NREP: variants seen among roughly 807,000 people sequenced by gnomAD.
The protein encoded by NREP is neuronal regeneration-related protein.
A neutral mutation model predicts 8.6 loss-of-function variants in NREP; 5 were observed. The ratio of observed to expected loss-of-function variants is 0.58; its 90% CI spans 0.30 to 1.22. The LOEUF (loss-of-function observed/expected upper bound fraction) is 1.22. NREP is among the 50% of genes most tolerant of loss of function. NREP has a pLI of 0.07. For synonymous variants in NREP, 27 were observed against 28.0 expected, an observed-to-expected ratio of 0.96 and a Z score of 0.11; for missense variants, 86 against 82.5, an observed-to-expected ratio of 1.04 and a Z score of -0.17.
At chr5:111,731,444 A>AG (rs1330440108) in intron 3 of NREP, among the ~76,000 whole-genome samples, 146 of 151,506 alleles carry the variant, frequency 9.6e-4, no homozygotes, top group African/African-American at 3.5e-3. Context: ...AAAAAAAAAA[A>AG]AGAGTCCAGT....
intron 2 of NREP, among the ~76,000 whole-genome samples, chr5:111,807,944 C>T (rs1191017535): frequency 1.3e-5 from 2 of 152,034 alleles, no homozygotes; most frequent in Non-Finnish European, 2.9e-5. Flanking sequence ...ACAACAACAA[C>T]AACAAAACCC....
At chr5:111,850,503 C>T (rs1268989097) in intron 2 of NREP, among the ~76,000 whole-genome samples, 1 of 152,126 alleles carries the variant, frequency 6.6e-6, no homozygotes, top group Admixed American at 6.6e-5. Flanking sequence ...ACTTCTTGGG[C>T]CTGTCTTTTC....
intron 2 of NREP, among the ~76,000 whole-genome samples, chr5:111,956,509 T>G (rs1756324578): frequency 6.6e-6 from 1 of 152,058 alleles, no homozygotes; most frequent in Non-Finnish European, 1.5e-5. Context: ...AAATTAGATT[T>G]TTTTTTAAAT....
intron 2 of NREP, among the ~76,000 whole-genome samples, chr5:111,744,991 G>A (rs1749912478): frequency 6.6e-6 from 1 of 152,046 alleles, no homozygotes; most frequent in Admixed American, 6.6e-5. Flanking sequence ...GCAATAAACA[G>A]GAGTAGTTGG....
intron 2 of NREP, among the ~76,000 whole-genome samples, chr5:111,893,590 C>A (rs1754441637): frequency 6.6e-6 from 1 of 150,918 alleles, no homozygotes; most frequent in South Asian, 2.1e-4. Context: ...TAAAAAGTTG[C>A]ATGAAAAATA....
intron 2 of NREP, among the ~76,000 whole-genome samples, chr5:111,839,674 A>G (rs942486993): frequency 1.3e-5 from 2 of 152,112 alleles, no homozygotes; most frequent in Admixed American, 6.6e-5. Flanking sequence ...CGTTAGTTCA[A>G]TATATAATAT....
intron 2 of NREP, among the ~76,000 whole-genome samples, chr5:111,908,105 T>C (rs757149002): frequency 6.6e-6 from 1 of 152,072 alleles, no homozygotes; most frequent in Non-Finnish European, 1.5e-5. Flanking sequence ...TAAGCTTCCA[T>C]GGAAAACTTC....
At chr5:111,736,087 G>A (rs530889708) in intron 2 of NREP, among the ~76,000 whole-genome samples, 3 of 152,242 alleles carry the variant, frequency 2.0e-5, no homozygotes, top group East Asian at 1.9e-4. Context: ...TGATGAATTC[G>A]GTGGTGGGAG....
At chr5:111,746,856 G>A (rs938568743) in intron 2 of NREP, among the ~76,000 whole-genome samples, 6 of 152,138 alleles carry the variant, frequency 3.9e-5, no homozygotes, top group East Asian at 1.9e-4. Flanking sequence ...CTGAAATTCC[G>A]ATATTGCATG....
At chr5:111,887,246 C>T (rs141618623) in intron 2 of NREP, among the ~76,000 whole-genome samples, 10 of 152,178 alleles carry the variant, frequency 6.6e-5, no homozygotes, top group Admixed American at 2.0e-4. Context: ...TTAAACCCTC[C>T]GGTACATTAT....
chr5:111,854,646 TA>T (rs1753385580), intron 2 of NREP, among the ~76,000 whole-genome samples: 1 of 152,192 alleles, frequency 6.6e-6, no homozygotes, highest in African/African-American at 2.4e-5. Flanking sequence ...AAAATAGTTC[TA>T]ATCAATTAAT....
intron 2 of NREP, among the ~76,000 whole-genome samples, chr5:111,749,717 A>G (rs1561645529): frequency 6.6e-6 from 1 of 152,180 alleles, no homozygotes; most frequent in Non-Finnish European, 1.5e-5. Context: ...TGATCTTTCT[A>G]TCGGGGAGCT....
At chr5:111,769,937 CA>C (rs1751178430) in intron 2 of NREP, among the ~76,000 whole-genome samples, 1 of 152,164 alleles carries the variant, frequency 6.6e-6, no homozygotes, top group Non-Finnish European at 1.5e-5. Context: ...CAAACCATAT[CA>C]GTGAGTATTC....
At chr5:111,792,077 G>A (rs1751762196) in intron 2 of NREP, among the ~76,000 whole-genome samples, 1 of 152,178 alleles carries the variant, frequency 6.6e-6, no homozygotes, top group South Asian at 2.1e-4. Context: ...TTAGACCTAG[G>A]TGTGAAGAAA....
intron 2 of NREP, among the ~76,000 whole-genome samples, chr5:111,801,067 C>T (rs1389994979): frequency 2.0e-5 from 3 of 152,192 alleles, no homozygotes; most frequent in Admixed American, 2.0e-4. Context: ...TCCACTACCA[C>T]AGAAACTGGG....
chr5:111,786,906 G>A (rs1453651606), intron 2 of NREP, among the ~76,000 whole-genome samples: 1 of 152,128 alleles, frequency 6.6e-6, no homozygotes, highest in East Asian at 1.9e-4. Flanking sequence ...GCCTTGGAAG[G>A]GAAAAGAAAG....
At chr5:111,833,267 C>A (rs1446173852) in intron 2 of NREP, among the ~76,000 whole-genome samples, 2 of 152,080 alleles carry the variant, frequency 1.3e-5, no homozygotes, top group African/African-American at 2.4e-5. Flanking sequence ...TTGTGTGCAC[C>A]CTCAGGACAG....
At chr5:111,881,754 A>G (rs1754079724) in intron 2 of NREP, among the ~76,000 whole-genome samples, 1 of 152,142 alleles carries the variant, frequency 6.6e-6, no homozygotes, top group Non-Finnish European at 1.5e-5. Context: ...ACTCCAACAG[A>G]CCTGCAGCTG....
Position 111,879,247 on chromosome 5 carries a change from T to G in NREP, c.135+96027A>C, listed in dbSNP as rs1054832316. 3.9e-5 allele frequency among the ~76,000 whole-genome samples: 6 copies of G among 152,198 alleles called. No homozygotes were observed. In the South Asian group the frequency reaches 6.2e-4, roughly 16 times the overall value. On this transcript the variant is annotated intron_variant, in intron 2 of 3. Transcript: ENST00000395634. ...CTCACCAGAAACCAAACCAAATACA[T>G]GAGCCAAACACATCTAGTTTTTTGA...
Sources: gnomAD v4.1 joint callset for allele counts (sites outside exome capture counted in the v4.1 genomes callset) on GRCh38, gnomAD v4.1.1 for gene constraint, MANE v1.5 for transcripts, NCBI Gene and HGNC (gene_info 2026-07-23, HGNC 2026-07-21) for gene names.